Variants in STARD13 observed in about 807,000 individuals in gnomAD.
STARD13 encodes the protein StAR related lipid transfer domain containing 13, also known as stAR-related lipid transfer protein 13.
Under a neutral mutation model 106.4 loss-of-function variants are expected in STARD13, and 62 were observed. The observed-to-expected ratio is 0.58, with a 90% CI of 0.48 to 0.72. The LOEUF is 0.72. Among genes scored for constraint, STARD13 ranks in the 30% least tolerant of loss-of-function variants. The pLI, the probability that STARD13 is intolerant of heterozygous loss-of-function variation, is 0.00. For synonymous variants in STARD13, 565 were observed against 553.0 expected, an observed-to-expected ratio of 1.02 and a Z score of -0.31; for missense variants, 1,387 against 1,424.0, an observed-to-expected ratio of 0.97 and a Z score of 0.42.
chr13:33,286,908 A>G (rs1289579796), upstream of STARD13, among the ~76,000 whole-genome samples: 1 of 152,030 alleles, frequency 6.6e-6, no homozygotes, highest in Non-Finnish European at 1.5e-5. Context: ...ATATGTGTGT[A>G]TATATATACA....
chr13:33,441,641 T>A, the STARD13 span, among the ~76,000 whole-genome samples: 1 of 152,148 alleles, frequency 6.6e-6, no homozygotes, highest in Non-Finnish European at 1.5e-5. Context: ...AACAGATGCT[T>A]ACGATTATTA....
the STARD13 span, among the ~76,000 whole-genome samples, chr13:33,667,276 G>A: frequency 7.2e-5 from 11 of 152,320 alleles, no homozygotes; most frequent in African/African-American, 2.4e-4. Context: ...AGAATCTCAA[G>A]CTTTACCCTC....
chr13:33,513,033 A>G, the STARD13 span, among the ~76,000 whole-genome samples: 1 of 152,164 alleles, frequency 6.6e-6, no homozygotes, highest in Non-Finnish European at 1.5e-5. Flanking sequence ...ACTTGTTTAT[A>G]TATTGTCTAC....
the STARD13 span, among the ~76,000 whole-genome samples, chr13:33,600,875 G>A: frequency 6.6e-6 from 1 of 150,820 alleles, no homozygotes; most frequent in Non-Finnish European, 1.5e-5. Context: ...AGAATAAAGA[G>A]ACCAAGAAGA....
chr13:33,363,398 G>T, the STARD13 span, among the ~76,000 whole-genome samples: 1 of 152,302 alleles, frequency 6.6e-6, no homozygotes, highest in East Asian at 1.9e-4. Flanking sequence ...TTCCAGAACT[G>T]CACAGACTGA....
At chr13:33,233,167 A>G (rs777701365) in intron 1 of STARD13, among the ~76,000 whole-genome samples, 4 of 152,220 alleles carry the variant, frequency 2.6e-5, no homozygotes, top group Non-Finnish European at 5.9e-5. Context: ...TTAAAGCCTG[A>G]AAGTCAAGCT....
chr13:33,167,940 C>T (rs2296389), intron 1 of STARD13, among the ~76,000 whole-genome samples: 1 of 151,072 alleles, frequency 6.6e-6, no homozygotes, highest in South Asian at 2.1e-4. Flanking sequence ...ACCAGGGAAC[C>T]AGGGCACTAG....
chr13:33,401,486 T>C, the STARD13 span, among the ~76,000 whole-genome samples: 52 of 152,342 alleles, frequency 3.4e-4, no homozygotes, highest in African/African-American at 1.2e-3. Flanking sequence ...TAAGGCAGCC[T>C]GTCACTGAGA....
intron 1 of STARD13, among the ~76,000 whole-genome samples, chr13:33,205,454 T>G (rs1405987594): frequency 2.6e-5 from 4 of 152,218 alleles, no homozygotes; most frequent in Non-Finnish European, 4.4e-5. Flanking sequence ...GGTCGCTTTC[T>G]TAATAAACTG....
chr13:33,396,738 G>A, the STARD13 span, among the ~76,000 whole-genome samples: 2 of 152,118 alleles, frequency 1.3e-5, no homozygotes, highest in Non-Finnish European at 2.9e-5. Context: ...ATTGATACTG[G>A]ACTCATAATC....
At chr13:33,232,449 G>A (rs1280355867) in intron 1 of STARD13, among the ~76,000 whole-genome samples, 1 of 151,626 alleles carries the variant, frequency 6.6e-6, no homozygotes, top group Non-Finnish European at 1.5e-5. Context: ...ACTCACAAGT[G>A]GGGAAGAACC....
chr13:33,642,098 A>G, the STARD13 span, among the ~76,000 whole-genome samples: 2 of 152,280 alleles, frequency 1.3e-5, no homozygotes, highest in African/African-American at 4.8e-5. Context: ...AAAACATTGT[A>G]TTGATACAGA....
intron 1 of STARD13, among the ~76,000 whole-genome samples, chr13:33,178,904 C>T (rs1884968325): frequency 6.6e-6 from 1 of 152,148 alleles, no homozygotes; most frequent in Non-Finnish European, 1.5e-5. Context: ...CTATGTGACT[C>T]CCAAAATTCT....
At chr13:33,283,873 TAAATA>T (rs1321145899) in intron 1 of STARD13, among the ~76,000 whole-genome samples, 3 of 152,172 alleles carry the variant, frequency 2.0e-5, no homozygotes, top group Non-Finnish European at 4.4e-5. Context: ...AAATAATATT[TAAATA>T]AAATAAATTA....
chr13:33,390,346 T>C, the STARD13 span, among the ~76,000 whole-genome samples: 1 of 152,164 alleles, frequency 6.6e-6, no homozygotes, highest in South Asian at 2.1e-4. Flanking sequence ...CCTTAGGATA[T>C]GTTTACCATC....
In STARD13 at chr13:33,194,804, A is replaced by G. The variant is rs566245444; in HGVS notation, c.170-27182T>C. Among the ~76,000 whole-genome samples the G allele has an allele frequency of 1.7e-4, 26 of 152,284 alleles. No individual in the cohort carries two copies. The Middle Eastern group carries it at 0.01, about 60-fold the overall frequency. On this transcript the variant is annotated intron_variant, in intron 1 of 13. Transcript: ENST00000336934. ...AACAACTCACTGTTTTTTTGAAAGG[A>G]GATTATATATGCTGTTAGTCATTTT...
intron 12 of STARD13, 130 bp downstream of exon 12, chr13:33,109,743 A>C: frequency 1.2e-6 from 1 of 803,324 alleles, no homozygotes; most frequent in Non-Finnish European, 2.0e-6. Context: ...TCACTGAGGG[A>C]AACAAGAGCC....
downstream of STARD13, among the ~76,000 whole-genome samples, chr13:33,345,942 T>G (rs927492055): frequency 6.6e-6 from 1 of 152,226 alleles, no homozygotes; most frequent in African/African-American, 2.4e-5. Flanking sequence ...AATGCTTTTG[T>G]ACCTGTGGTA....
chr13:33,500,829 G>C, the STARD13 span, among the ~76,000 whole-genome samples: 29 of 152,134 alleles, frequency 1.9e-4, no homozygotes, highest in African/African-American at 5.5e-4. Context: ...CATAACTCCA[G>C]TTTCTAACTC....
Sources: gnomAD v4.1 joint callset for allele counts (sites outside exome capture counted in the v4.1 genomes callset) on GRCh38, gnomAD v4.1.1 for gene constraint, MANE v1.5 for transcripts, NCBI Gene and HGNC (gene_info 2026-07-23, HGNC 2026-07-21) for gene names.